ARHGEF38: variants seen among roughly 807,000 people sequenced by gnomAD.
ARHGEF38 encodes Rho guanine nucleotide exchange factor 38, also known as Rho guanine nucleotide exchange factor (GEF) 38.
A neutral mutation model predicts 79.9 loss-of-function variants in ARHGEF38; 79 were observed. The observed-to-expected ratio is 0.99, with a 90% CI of 0.82 to 1.19. The LOEUF is 1.19. ARHGEF38 is among the 50% of genes most tolerant of loss of function. The pLI is 0.00. For missense variants in ARHGEF38, 962 were observed against 907.2 expected (o/e 1.06, Z -0.78); for synonymous variants, 366 against 328.3 (o/e 1.11, Z -1.24).
chr4:105,631,411 C>T lies in ARHGEF38; in HGVS notation c.656+366C>T, dbSNP rs375448316. 10 of 991,836 alleles carry T rather than the reference C, an allele frequency of 1.0e-5. No homozygotes were observed. In the African/African-American group the frequency reaches 1.6e-4, roughly 16 times the overall value. 61.4% of individuals were successfully genotyped at this position (991,836 alleles called of 1,614,324 possible). ...ACGTGGCCCCATGACCACTGGAGCACATGGGTTAATGGAGTTAGGGGAATG... is the reference window on the plus strand; with the variant it reads ...ACGTGGCCCCATGACCACTGGAGCATATGGGTTAATGGAGTTAGGGGAATG... On this transcript the variant is annotated intron_variant, in intron 4 of 13. Coordinates refer to ENST00000420470, the MANE Select transcript of ARHGEF38 (RefSeq NM_001242729.2).
chr4:105,663,708 G>A (rs147454090), intron 10 of ARHGEF38, among the ~76,000 whole-genome samples: 625 of 152,270 alleles, frequency 4.1e-3, no homozygotes, highest in Non-Finnish European at 7.2e-3. Context: ...GGTGGCTCAC[G>A]CCTGTAATCC....
At chr4:105,567,117 A>C (rs1446169018) in intron 1 of ARHGEF38, among the ~76,000 whole-genome samples, 1 of 152,142 alleles carries the variant, frequency 6.6e-6, no homozygotes, top group Non-Finnish European at 1.5e-5. Context: ...GAACATGCAA[A>C]GTTTGTCTTT....
intron 13 of ARHGEF38, among the ~76,000 whole-genome samples, chr4:105,672,139 G>A (rs1329864878): frequency 1.3e-5 from 2 of 152,052 alleles, no homozygotes; most frequent in East Asian, 3.9e-4. Context: ...GACCTGAAGT[G>A]GTCTATGAAT....
At chr4:105,681,385 A>G (rs1396674104), downstream of ARHGEF38, among the ~76,000 whole-genome samples, 1 of 152,120 alleles carries the variant, frequency 6.6e-6, no homozygotes, top group Admixed American at 6.6e-5. Context: ...AAACCTAGGG[A>G]TTAAGGAAGA....
At chr4:105,670,590 T>G (rs1730926508) in intron 13 of ARHGEF38, among the ~76,000 whole-genome samples, 1 of 152,184 alleles carries the variant, frequency 6.6e-6, no homozygotes, top group Non-Finnish European at 1.5e-5. Flanking sequence ...TGGTTATAAC[T>G]GACTCTTAAC....
At chr4:105,668,513 G>T (rs181973440) in intron 13 of ARHGEF38, among the ~76,000 whole-genome samples, 2 of 152,192 alleles carry the variant, frequency 1.3e-5, no homozygotes, top group East Asian at 3.9e-4. Context: ...ACTTGTTTTT[G>T]CTATATCAGA....
intron 1 of ARHGEF38, among the ~76,000 whole-genome samples, chr4:105,584,929 T>G (rs1726961673): frequency 6.6e-6 from 1 of 152,096 alleles, no homozygotes; most frequent in Admixed American, 6.6e-5. Context: ...AGATCGAGGT[T>G]CTCCCCACGC....
chr4:105,665,700 G>A (rs1730724512), intron 10 of ARHGEF38, among the ~76,000 whole-genome samples: 1 of 152,094 alleles, frequency 6.6e-6, no homozygotes, highest in East Asian at 1.9e-4. Flanking sequence ...CCTCCCTATT[G>A]GCTGTGATTA....
rs1729785194 is a variant in ARHGEF38 at position 105,645,187 on chromosome 4, G to A, written c.675-1G>A. 2.0e-6 allele frequency: 3 copies of A among 1,500,710 alleles called. No individual in the cohort carries two copies. The highest frequency in any genetic ancestry group is 2.7e-6 in the Non-Finnish European group (3 of 1,130,060). The allele number at this position is 1,500,710 out of a possible 1,614,324, so 93.0% of individuals were successfully genotyped here. On this transcript the variant is annotated splice_acceptor_variant, in intron 5 of 13. Transcript: ENST00000420470. LOFTEE classifies it high-confidence loss of function. Reference sequence around the variant, plus strand: ...ACTGATATTATTTATCTGTATTGTAGAGGCAAACCAAACTTATTGGACATG... The same window carrying A: ...ACTGATATTATTTATCTGTATTGTAAAGGCAAACCAAACTTATTGGACATG...
intron 6 of ARHGEF38, among the ~76,000 whole-genome samples, chr4:105,647,466 T>A (rs1729896897): frequency 6.6e-6 from 1 of 152,210 alleles, no homozygotes; most frequent in African/African-American, 2.4e-5. Context: ...TTAAACTATT[T>A]CTCTAAGGAT....
intron 1 of ARHGEF38, among the ~76,000 whole-genome samples, chr4:105,579,766 G>T (rs199322): frequency 0.97 from 147,758 of 152,206 alleles, 71,724 homozygotes; most frequent in East Asian, 1. Context: ...GGGGAGGAGT[G>T]CCTCCTCCTC....
At chr4:105,554,137 T>C (rs1725141533) in intron 1 of ARHGEF38, among the ~76,000 whole-genome samples, 1 of 152,126 alleles carries the variant, frequency 6.6e-6, no homozygotes, top group African/African-American at 2.4e-5. Context: ...GGGAGAGCAT[T>C]GTTTAATCTT....
rs61695980 is a variant in ARHGEF38, at chr4:105,561,473, T to TGG, written c.196+8512_196+8513insGG. 1.9e-3 allele frequency: 228 copies of TGG among 118,722 alleles called. 17 individuals are homozygous for TGG. The highest frequency in any genetic ancestry group is 4.5e-3 in the Middle Eastern group (1 of 222). The allele number at this position is 118,722 out of a possible 1,614,324, so 7.4% of individuals were successfully genotyped here. A position where few individuals can be genotyped will look rare whatever the true frequency, so the allele number is the denominator to read the frequency against. ...TGGAATAGAATAGAATAGAATAGAA[T>TGG]AGAATAGAATAGAATAGAATAGAAT... On this transcript the variant is annotated intron_variant, in intron 1 of 13. Coordinates refer to ENST00000420470, the MANE Select transcript of ARHGEF38 (RefSeq NM_001242729.2).
chr4:105,563,539 G>C (rs1363885644), intron 1 of ARHGEF38, among the ~76,000 whole-genome samples: 2 of 152,168 alleles, frequency 1.3e-5, no homozygotes, highest in Non-Finnish European at 2.9e-5. Flanking sequence ...GTTAAGAGAG[G>C]TATAAGCATT....
chr4:105,554,272 T>A (rs551158213), intron 1 of ARHGEF38, among the ~76,000 whole-genome samples: 1 of 152,302 alleles, frequency 6.6e-6, no homozygotes, highest in Non-Finnish European at 1.5e-5. Flanking sequence ...TGTGTGATGC[T>A]GCGATTTGGG....
intron 3 of ARHGEF38, among the ~76,000 whole-genome samples, chr4:105,618,669 A>C (rs1357443472): frequency 6.6e-6 from 1 of 152,176 alleles, no homozygotes. Flanking sequence ...ACATTACATA[A>C]ACACCACAGT....
intron 2 of ARHGEF38, among the ~76,000 whole-genome samples, chr4:105,597,497 A>T (rs1230172619): frequency 6.6e-6 from 1 of 152,072 alleles, no homozygotes; most frequent in Non-Finnish European, 1.5e-5. Context: ...TACCCTTCCC[A>T]TCTCTGTTCA....
At chr4:105,659,849 T>TTGTGTGTGTGTGTGTGTGTGTG (rs59465723) in intron 10 of ARHGEF38, among the ~76,000 whole-genome samples, 1 of 133,126 alleles carries the variant, frequency 7.5e-6, no homozygotes, top group African/African-American at 3.0e-5. Flanking sequence ...AAGCCTGGTT[T>TTGTGTGTGTGTGTGTGTGTGTG]TGTGTGTGTG....
At chr4:105,650,674 A>G (rs1416394199) in intron 7 of ARHGEF38, among the ~76,000 whole-genome samples, 1 of 152,054 alleles carries the variant, frequency 6.6e-6, no homozygotes, top group African/African-American at 2.4e-5. Flanking sequence ...AGTATAATAA[A>G]CTTCTTCCTT....
Sources: allele counts gnomAD v4.1 joint callset (sites outside exome capture counted in the v4.1 genomes callset), GRCh38; gene constraint gnomAD v4.1.1; transcripts MANE v1.5; gene names NCBI Gene and HGNC (gene_info 2026-07-23, HGNC 2026-07-21).